The following PRKG1 variants were observed in gnomAD, a reference collection of about 807,000 sequenced individuals.
PRKG1 encodes the protein cGMP-dependent protein kinase 1.
Under a neutral mutation model 88.1 loss-of-function variants are expected in PRKG1, and 35 were observed. The ratio of observed to expected loss-of-function variants is 0.40; its 90% CI spans 0.30 to 0.53. The LOEUF is 0.53. Among genes scored for constraint, PRKG1 ranks in the 20% least tolerant of loss-of-function variants. The probability of loss-of-function intolerance (pLI) is 0.59; values close to 1 mark genes in which losing one functional copy is unlikely to be tolerated. For synonymous variants in PRKG1, 303 were observed against 292.5 expected (o/e 1.04, Z -0.37); for missense variants, 540 against 839.8 (o/e 0.64, Z 4.41).
intron 5 of PRKG1, among the ~76,000 whole-genome samples, chr10:51,967,075 A>T (rs1451494344): frequency 6.6e-6 from 1 of 152,162 alleles, no homozygotes; most frequent in Non-Finnish European, 1.5e-5. Flanking sequence ...TACCCAAAGG[A>T]TTATAAATGT....
chr10:52,100,811 CT>C (rs1209645124), intron 7 of PRKG1, among the ~76,000 whole-genome samples: 7 of 152,098 alleles, frequency 4.6e-5, no homozygotes, highest in African/African-American at 1.7e-4. Flanking sequence ...TTTATATCTG[CT>C]TTATTACTAA....
At chr10:52,077,654 G>A (rs530117962) in intron 7 of PRKG1, among the ~76,000 whole-genome samples, 12 of 152,018 alleles carry the variant, frequency 7.9e-5, no homozygotes, top group Admixed American at 2.6e-4. Flanking sequence ...CTAGACAGTC[G>A]TACCCACTAT....
intron 4 of PRKG1, among the ~76,000 whole-genome samples, chr10:51,904,448 A>G (rs1442638729): frequency 3.3e-5 from 5 of 152,146 alleles, no homozygotes; most frequent in African/African-American, 4.8e-5. Context: ...ATTTCAAACT[A>G]TAAACATTCT....
At chr10:51,541,245 C>A (rs1381796646) in intron 3 of PRKG1, among the ~76,000 whole-genome samples, 1 of 152,274 alleles carries the variant, frequency 6.6e-6, no homozygotes, top group East Asian at 1.9e-4. Context: ...AGGGTTCGCG[C>A]TCCTATAAGA....
At chr10:51,552,485 C>G (rs1334867420) in intron 3 of PRKG1, among the ~76,000 whole-genome samples, 1 of 151,560 alleles carries the variant, frequency 6.6e-6, no homozygotes, top group Non-Finnish European at 1.5e-5. Context: ...CATATAGTAG[C>G]TAGATCATGA....
chr10:51,560,169 C>A (rs1331278788), intron 3 of PRKG1, among the ~76,000 whole-genome samples: 1 of 151,996 alleles, frequency 6.6e-6, no homozygotes, highest in African/African-American at 2.4e-5. Context: ...AAACTCATTC[C>A]CCTTTTGGTG....
chr10:51,965,030 T>A (rs868086598), intron 5 of PRKG1, among the ~76,000 whole-genome samples: 21 of 152,216 alleles, frequency 1.4e-4, no homozygotes, highest in Admixed American at 3.3e-4. Context: ...TGAAATTTGT[T>A]CTTATAAAAG....
intron 2 of PRKG1, among the ~76,000 whole-genome samples, chr10:51,182,965 T>C (rs1837387157): frequency 6.6e-6 from 1 of 152,172 alleles, no homozygotes; most frequent in South Asian, 2.1e-4. Context: ...AGAATCACAA[T>C]AATTCTATTG....
At chr10:52,257,979 C>A (rs1841348666) in intron 10 of PRKG1, among the ~76,000 whole-genome samples, 1 of 139,082 alleles carries the variant, frequency 7.2e-6, no homozygotes, top group Admixed American at 7.6e-5. Context: ...GTAAGATAAG[C>A]ATTACTTCAT....
At chr10:52,157,260 G>A (rs1349427450) in intron 8 of PRKG1, among the ~76,000 whole-genome samples, 1 of 142,360 alleles carries the variant, frequency 7.0e-6, no homozygotes, top group African/African-American at 2.6e-5. Context: ...TATATGTTGT[G>A]TATATATACA....
intron 9 of PRKG1, among the ~76,000 whole-genome samples, chr10:52,187,817 A>G (rs1044579081): frequency 6.6e-5 from 10 of 152,170 alleles, no homozygotes; most frequent in African/African-American, 2.2e-4. Flanking sequence ...GGGAGACACA[A>G]CTATGTCAGC....
chr10:51,916,157 G>A (rs946233609), intron 5 of PRKG1, among the ~76,000 whole-genome samples: 1 of 152,120 alleles, frequency 6.6e-6, no homozygotes, highest in Non-Finnish European at 1.5e-5. Flanking sequence ...CTACTGGGCT[G>A]CATTCCCAGA....
chr10:51,952,098 T>G (rs1843198942), intron 5 of PRKG1, among the ~76,000 whole-genome samples: 1 of 152,214 alleles, frequency 6.6e-6, no homozygotes, highest in African/African-American at 2.4e-5. Flanking sequence ...ATGTTTACTA[T>G]CTGGCTCTTT....
At chr10:52,278,902 CAA>C (rs57491396) in intron 12 of PRKG1, among the ~76,000 whole-genome samples, 23 of 86,610 alleles carry the variant, frequency 2.7e-4, no homozygotes, top group African/African-American at 2.0e-4. Flanking sequence ...GACTCCATCT[CAA>C]AAAAAAAAAA....
At chr10:51,374,245 ACCC>A (rs1842771633) in intron 2 of PRKG1, among the ~76,000 whole-genome samples, 1 of 76,944 alleles carries the variant, frequency 1.3e-5, no homozygotes, top group East Asian at 3.9e-4. Flanking sequence ...TAGCACCCCC[ACCC>A]CCAACCCCCG....
intron 2 of PRKG1, among the ~76,000 whole-genome samples, chr10:51,465,255 T>C (rs1243898328): frequency 6.6e-6 from 1 of 152,058 alleles, no homozygotes; most frequent in Non-Finnish European, 1.5e-5. Context: ...TGTTCCTCCT[T>C]CTTTAAAAAA....
chr10:51,022,591 A>C (rs1371115449), intron 1 of PRKG1, among the ~76,000 whole-genome samples: 2 of 152,162 alleles, frequency 1.3e-5, no homozygotes, highest in African/African-American at 4.8e-5. Context: ...TCAGCTCTTT[A>C]ATGTAAACTT....
chr10:52,250,047 CCG>C (rs1191617003), intron 9 of PRKG1, among the ~76,000 whole-genome samples: 2 of 152,098 alleles, frequency 1.3e-5, no homozygotes, highest in Non-Finnish European at 2.9e-5. Flanking sequence ...GTCAACTTTG[CCG>C]CTAGCCCTTT....
chr10:51,338,920 A>G (rs1372619939), intron 2 of PRKG1, among the ~76,000 whole-genome samples: 1 of 152,214 alleles, frequency 6.6e-6, no homozygotes, highest in Admixed American at 6.5e-5. Flanking sequence ...ATTGGAAAAA[A>G]AATCAAAATG....
Sources: gnomAD v4.1 joint callset for allele counts (sites outside exome capture counted in the v4.1 genomes callset) on GRCh38, gnomAD v4.1.1 for gene constraint, MANE v1.5 for transcripts, NCBI Gene and HGNC (gene_info 2026-07-23, HGNC 2026-07-21) for gene names.